USF3: variants seen among roughly 807,000 people sequenced by gnomAD.
USF3 encodes upstream transcription factor family member 3.
In USF3, 29 loss-of-function variants were observed where a neutral mutation model predicts 157.5. The observed-to-expected ratio is 0.18, with a 90% confidence interval of 0.14 to 0.25. USF3 has a LOEUF of 0.25. Among genes scored for constraint, USF3 ranks in the 10% least tolerant of loss-of-function variants. The pLI, the probability that USF3 is intolerant of heterozygous loss-of-function variation, is 1.00. For missense variants in USF3, 2,381 were observed against 2,667.6 expected (o/e 0.89, Z 2.37); for synonymous variants, 893 against 941.4 (o/e 0.95, Z 0.94).
rs769284933 is a variant in USF3 at position 113,661,003 on chromosome 3, G to C, written c.679C>G (p.Leu227Val). Residue 227 changes from leucine (L) to valine (V), a missense_variant, in exon 7 of 7, where the codon CTT becomes GTT. Leu to Val is a conservative substitution (Grantham distance 32). Around this residue, in one of 6 missense-constraint regions of USF3, gnomAD observed 1,435 missense variants for 1,550.9 expected, o/e 0.93. Coordinates refer to ENST00000316407, the MANE Select transcript of USF3 (RefSeq NM_001009899.4). ...LATNQPVPLC[L>V]PAAISAQSIL... Reference sequence around the variant, plus strand: ...CTCTGAGCAGAAATGGCAGCAGGAAGACAAAGAGGAACAGGCTGGTTGGTA... The same window carrying C: ...CTCTGAGCAGAAATGGCAGCAGGAACACAAAGAGGAACAGGCTGGTTGGTA... The C allele has an allele frequency of 6.2e-7, 1 of 1,614,034 alleles. No individual in the cohort carries two copies. The highest frequency in any genetic ancestry group is 8.5e-7 in the Non-Finnish European group (1 of 1,180,026).
rs923972510 is a variant in USF3, at chr3:113,654,758, A to G, written c.*186T>C. 1.0e-5 allele frequency: 6 copies of G among 580,528 alleles called. No individual in the cohort carries two copies. Among genetic ancestry groups the G allele is most frequent in the African/African-American group, 7.5e-5 (4 of 53,258 alleles). The allele number at this position is 580,528 out of a possible 1,614,324, so 36.0% of individuals were successfully genotyped here. A position where few individuals can be genotyped will look rare whatever the true frequency, so the allele number is the denominator to read the frequency against. On this transcript the variant is annotated 3_prime_UTR_variant, in exon 7 of 7. Transcript: ENST00000316407. ...TACACCATGCAGTTGAAAACGAAAG[A>G]TAACTTGTTTTCTGACAACCCAGTA...
In USF3 at chr3:113,659,374, C is replaced by G; in HGVS notation, c.2308G>C (p.Ala770Pro). The change falls in exon 7 of 7, where the codon GCT becomes CCT. Residue 770 changes from alanine to proline, a missense_variant. Ala to Pro is a conservative substitution (Grantham distance 27). This residue lies in a region of USF3 where 1,435 missense variants were observed against 1,550.9 expected (regional missense o/e 0.93). Coordinates refer to ENST00000316407, the MANE Select transcript of USF3 (RefSeq NM_001009899.4). Reference protein sequence around the residue: ...PVTTDSSATLASTYNLVSTSS... With the variant: ...PVTTDSSATLPSTYNLVSTSS... ...GTACTCACTAGATTATAAGTACTAG[C>G]TAGTGTGGCTGAACTATCTGTTGTC... 6.2e-7 allele frequency: 1 copy of G among 1,614,250 alleles called. No individual in the cohort carries two copies. Among genetic ancestry groups the G allele is most frequent in the Non-Finnish European group, 8.5e-7 (1 of 1,180,048 alleles).
chr3:113,690,351 T>C (rs1212200562), intron 1 of USF3, among the ~76,000 whole-genome samples: 1 of 152,230 alleles, frequency 6.6e-6, no homozygotes. Flanking sequence ...ATGGATTTTA[T>C]ACCCCAATGT....
intron 1 of USF3, among the ~76,000 whole-genome samples, chr3:113,680,059 T>C (rs1707375681): frequency 7.0e-6 from 1 of 143,778 alleles, no homozygotes; most frequent in African/African-American, 2.6e-5. Flanking sequence ...TTTTCTTTTT[T>C]TTTTTTTTTT....
rs1947258598 is a variant in USF3 at position 113,651,394 on chromosome 3, A to T, written c.*3550T>A. ...TGATTTGGGAGTATGACTTACCACC[A>T]CATGCTGATCCATACATGGTGGGCC... On this transcript the variant is annotated 3_prime_UTR_variant, in exon 7 of 7. Transcript: ENST00000316407. 1 of 152,202 alleles carries T rather than the reference A, an allele frequency of 6.6e-6. No individual in the cohort carries two copies. The highest frequency in any genetic ancestry group is 2.4e-5 in the African/African-American group (1 of 41,456). 9.4% of individuals were successfully genotyped at this position (152,202 alleles called of 1,614,324 possible). A position where few individuals can be genotyped will look rare whatever the true frequency, so the allele number is the denominator to read the frequency against.
chr3:113,660,011 T>G lies in USF3; in HGVS notation c.1671A>C (p.Pro557=). The change falls in exon 7 of 7, where the codon CCA becomes CCC. Residue 557 remains proline (P), a synonymous_variant. Transcript: ENST00000316407. Reference sequence around the variant, plus strand: ...CTGTTGGGCATGGGGTGGTGCTAGGTGGCTGAAGAATTATAACATTTTGAT... The same window carrying G: ...CTGTTGGGCATGGGGTGGTGCTAGGGGGCTGAAGAATTATAACATTTTGAT... ...PTNQNVIILQ[P]PSTTPCPTVM... The G allele has an allele frequency of 1.2e-6, 2 of 1,614,166 alleles. No homozygotes were observed. Among genetic ancestry groups the G allele is most frequent in the Non-Finnish European group, 1.7e-6 (2 of 1,180,032 alleles).
chr3:113,677,548 A>G (rs572804842), intron 1 of USF3, among the ~76,000 whole-genome samples, 151 bp from the exon 2 acceptor site: 8 of 152,314 alleles, frequency 5.3e-5, no homozygotes, highest in Non-Finnish European at 8.8e-5. Context: ...AAGCAAATCA[A>G]TGCAGTTGCT....
chr3:113,651,949 G>A lies in USF3; in HGVS notation c.*2995C>T, dbSNP rs1276578689. ...AGCTAAGCAGGAAAATACAATTAATGCAACAGAAATACTTGAAAGTCACAG... is the reference window on the plus strand; with the variant it reads ...AGCTAAGCAGGAAAATACAATTAATACAACAGAAATACTTGAAAGTCACAG... On this transcript the variant is annotated 3_prime_UTR_variant, in exon 7 of 7. Coordinates refer to ENST00000316407, the MANE Select transcript of USF3 (RefSeq NM_001009899.4). The A allele has an allele frequency of 6.6e-6, 1 of 152,196 alleles. No homozygotes were observed. The highest frequency in any genetic ancestry group is 2.4e-5 in the African/African-American group (1 of 41,452). The allele number at this position is 152,196 out of a possible 1,614,324, so 9.4% of individuals were successfully genotyped here.
At chr3:113,679,009 GTCTCTCTCTCTCTC>G (rs373834496) in intron 1 of USF3, among the ~76,000 whole-genome samples, 1 of 144,062 alleles carries the variant, frequency 6.9e-6, no homozygotes, top group Admixed American at 6.9e-5. Context: ...CCAGGCTGGT[GTCTCTCTCTCTCTC>G]TCTCTCTCTC....
intron 1 of USF3, among the ~76,000 whole-genome samples, chr3:113,693,308 G>A (rs1707727787): frequency 6.6e-6 from 1 of 152,146 alleles, no homozygotes; most frequent in Non-Finnish European, 1.5e-5. Flanking sequence ...GGTACCCCCT[G>A]GAGTTGCTCA....
chr3:113,681,742 T>TG (rs1354212567), intron 1 of USF3, among the ~76,000 whole-genome samples: 1 of 151,016 alleles, frequency 6.6e-6, no homozygotes, highest in Non-Finnish European at 1.5e-5. Context: ...TTTTTTGAGA[T>TG]GGAGTCTCAC....
chr3:113,655,365 G>A lies in USF3; in HGVS notation c.6317C>T (p.Thr2106Ile). 1 of 1,614,098 alleles carries A rather than the reference G, an allele frequency of 6.2e-7. No homozygotes were observed. ...PALIPVDPQN[T>I]LPSFYPPYSP... Reference sequence around the variant, plus strand: ...GTATGGAGGATAGAAGGAGGGCAGAGTATTTTGCGGATCTACCGGGATGAG... The same window carrying A: ...GTATGGAGGATAGAAGGAGGGCAGAATATTTTGCGGATCTACCGGGATGAG... The change falls in exon 7 of 7, where the codon ACT becomes ATT. Residue 2106 changes from threonine (T) to isoleucine (I), a missense_variant. By Grantham distance (89) the Thr-to-Ile change is moderately conservative (BLOSUM62 -1). Around this residue, in one of 6 missense-constraint regions of USF3, gnomAD observed 770 missense variants for 824.2 expected, o/e 0.93. Coordinates refer to ENST00000316407, the MANE Select transcript of USF3 (RefSeq NM_001009899.4).
Position 113,656,400 on chromosome 3 carries a change from C to T in USF3, c.5282G>A (p.Gly1761Asp). The T allele has an allele frequency of 6.2e-7, 1 of 1,614,114 alleles. No homozygotes were observed. The highest frequency in any genetic ancestry group is 8.5e-7 in the Non-Finnish European group (1 of 1,180,028). Residue 1761 changes from glycine to aspartate, a missense_variant, in exon 7 of 7, where the codon GGT becomes GAT. By Grantham distance (94) the Gly-to-Asp change is moderately conservative. Coordinates refer to ENST00000316407, the MANE Select transcript of USF3 (RefSeq NM_001009899.4). ...EVQSSRNNEI[G>D]NPVSSLRSMQ... ...ACTCCGCAATGATGATACAGGGTTACCTATTTCATTGTTTCTTGAAGATTG... is the reference window on the plus strand; with the variant it reads ...ACTCCGCAATGATGATACAGGGTTATCTATTTCATTGTTTCTTGAAGATTG...
chr3:113,693,932 G>A (rs1309660482), intron 1 of USF3, among the ~76,000 whole-genome samples: 2 of 152,220 alleles, frequency 1.3e-5, no homozygotes, highest in African/African-American at 4.8e-5. Flanking sequence ...GCCTGATTTA[G>A]GAAAGCCCAG....
chr3:113,690,378 G>A (rs1485275957), intron 1 of USF3, among the ~76,000 whole-genome samples: 1 of 152,054 alleles, frequency 6.6e-6, no homozygotes, highest in Non-Finnish European at 1.5e-5. Flanking sequence ...AGTCTTTTCA[G>A]TTCACCATAT....
chr3:113,677,643 G>A (rs572406947), intron 1 of USF3, among the ~76,000 whole-genome samples: 1 of 152,250 alleles, frequency 6.6e-6, no homozygotes, highest in African/African-American at 2.4e-5. Flanking sequence ...TCCCCAAGAG[G>A]GGATTCTCTG....
chr3:113,674,629 C>T (rs1184877713), intron 3 of USF3, among the ~76,000 whole-genome samples: 1 of 152,220 alleles, frequency 6.6e-6, no homozygotes, highest in Non-Finnish European at 1.5e-5. Context: ...AGGCGTGAGC[C>T]ACCACACCCG....
Position 113,659,716 on chromosome 3 carries a change from T to C in USF3, c.1966A>G (p.Met656Val), listed in dbSNP as rs1236133932. 6 of 1,614,106 alleles carry C rather than the reference T, an allele frequency of 3.7e-6. No homozygotes were observed. The highest frequency in any genetic ancestry group is 4.5e-5 in the East Asian group (2 of 44,896). Reference sequence around the variant, plus strand: ...ATGGTTTGAGGCTGTTGGTTTGACATGGTAACAGAAAAAGTTTGTGTTGAG... The same window carrying C: ...ATGGTTTGAGGCTGTTGGTTTGACACGGTAACAGAAAAAGTTTGTGTTGAG... Reference protein sequence around the residue: ...SNSTQTFSVTMSNQQPQTISL... With the variant: ...SNSTQTFSVTVSNQQPQTISL... The change falls in exon 7 of 7, where the codon ATG becomes GTG. Residue 656 changes from methionine (M) to valine (V), a missense_variant. By Grantham distance (21) the Met-to-Val change is conservative. This residue lies in a region of USF3 where 1,435 missense variants were observed against 1,550.9 expected (regional missense o/e 0.93). Transcript: ENST00000316407.
Position 113,655,893 on chromosome 3 carries a change from G to T in USF3, c.5789C>A (p.Ala1930Asp). ...TGGAGGGTTCATGTGGCCCTTGGTG[G>T]CATGACTCTCAGTAATCCTCATGGG... ...SNPMRITESHATKGHMNPPVT... is the reference protein window; with the variant it reads ...SNPMRITESHDTKGHMNPPVT... Residue 1930 changes from alanine (A) to aspartate (D), a missense_variant, in exon 7 of 7, where the codon GCC (alanine) becomes GAC (aspartate). By Grantham distance (126) the Ala-to-Asp change is moderately radical. This residue lies in a region of USF3 where 770 missense variants were observed against 824.2 expected (regional missense o/e 0.93). Transcript: ENST00000316407. The T allele has an allele frequency of 6.2e-7, 1 of 1,614,154 alleles. No homozygotes were observed. Among genetic ancestry groups the T allele is most frequent in the Non-Finnish European group, 8.5e-7 (1 of 1,180,038 alleles).
Sources: gnomAD v4.1 joint callset for allele counts (sites outside exome capture counted in the v4.1 genomes callset) on GRCh38, gnomAD v4.1.1 for gene constraint, gnomAD v4.1.1 regional missense constraint, MANE v1.5 for transcripts, NCBI Gene and HGNC (gene_info 2026-07-23, HGNC 2026-07-21) for gene names.